Variants in LRRC8C observed in about 807,000 individuals in gnomAD.
LRRC8C encodes leucine rich repeat containing 8 VRAC subunit C, also known as volume-regulated anion channel subunit LRRC8C.
A neutral mutation model predicts 55.3 loss-of-function variants in LRRC8C; 20 were observed. The observed-to-expected ratio is 0.36, with a 90% CI of 0.25 to 0.53. The LOEUF is 0.53. Among genes scored for constraint, LRRC8C ranks in the 20% least tolerant of loss-of-function variants. The pLI, the probability that LRRC8C is intolerant of heterozygous loss-of-function variation, is 0.92. For missense variants in LRRC8C, 659 were observed against 951.4 expected (o/e 0.69, Z 4.04); for synonymous variants, 376 against 360.7 (o/e 1.04, Z -0.48).
At chr1:89,654,443 TC>T (rs1477663987) in intron 1 of LRRC8C, among the ~76,000 whole-genome samples, 2 of 152,110 alleles carry the variant, frequency 1.3e-5, no homozygotes, top group African/African-American at 4.8e-5. Context: ...CTACTAAACT[TC>T]CAGTTGGAAA....
intron 1 of LRRC8C, among the ~76,000 whole-genome samples, chr1:89,679,147 G>A (rs1014789430): frequency 6.6e-6 from 1 of 152,156 alleles, no homozygotes; most frequent in East Asian, 1.9e-4. Context: ...AGAAGAGGAG[G>A]AAACAACAAA....
the LRRC8C span, among the ~76,000 whole-genome samples, chr1:89,620,420 G>A: frequency 1.2e-4 from 19 of 152,146 alleles, no homozygotes; most frequent in African/African-American, 4.6e-4. Flanking sequence ...GGAATTTGGA[G>A]AGAAAGAGAG....
intron 1 of LRRC8C, among the ~76,000 whole-genome samples, chr1:89,636,831 T>A (rs1255640406): frequency 2.0e-5 from 3 of 152,202 alleles, no homozygotes; most frequent in African/African-American, 7.2e-5. Context: ...TATTTTAAAA[T>A]TTTTTTAAAA....
intron 2 of LRRC8C, among the ~76,000 whole-genome samples, chr1:89,710,398 A>G (rs1375713899): frequency 6.6e-6 from 1 of 152,066 alleles, no homozygotes; most frequent in East Asian, 1.9e-4. Flanking sequence ...TAAAAGTGAA[A>G]ACTTTTCTTT....
At chr1:89,668,842 CATG>C (rs764549844) in intron 1 of LRRC8C, among the ~76,000 whole-genome samples, 30 of 152,296 alleles carry the variant, frequency 2.0e-4, no homozygotes, top group Middle Eastern at 3.4e-3. Flanking sequence ...AGTTAGTAAG[CATG>C]ATAACATTAT....
intron 1 of LRRC8C, among the ~76,000 whole-genome samples, chr1:89,658,041 G>A (rs754023453): frequency 1.8e-4 from 28 of 152,122 alleles, no homozygotes; most frequent in Non-Finnish European, 3.4e-4. Context: ...CTTTCAAAAA[G>A]CCCCCTTGTG....
At chr1:89,703,080 A>G (rs1658376542) in intron 2 of LRRC8C, among the ~76,000 whole-genome samples, 1 of 152,220 alleles carries the variant, frequency 6.6e-6, no homozygotes, top group South Asian at 2.1e-4. Flanking sequence ...TTAATTTCCC[A>G]AAATTAAAGA....
intron 2 of LRRC8C, among the ~76,000 whole-genome samples, chr1:89,687,630 C>T (rs960562115): frequency 6.6e-6 from 1 of 152,086 alleles, no homozygotes; most frequent in Non-Finnish European, 1.5e-5. Flanking sequence ...GCCATAAGGA[C>T]AGATGAAAAC....
intron 1 of LRRC8C, among the ~76,000 whole-genome samples, chr1:89,685,405 G>A (rs529976563): frequency 9.2e-4 from 140 of 152,228 alleles, no homozygotes; most frequent in African/African-American, 1.5e-3. Flanking sequence ...GTGAGCCACC[G>A]CGCCCGGCCA....
rs1329215413 is a variant in LRRC8C, at chr1:89,716,834, G to A, written c.*1852G>A. On this transcript the variant is annotated 3_prime_UTR_variant, in exon 3 of 3. Coordinates refer to ENST00000370454, the MANE Select transcript of LRRC8C (RefSeq NM_032270.5). ...CTTTGAGTTGTATACAGAAACAAATGTTGGGAATTGCTCCTCAGAAATGTG... is the reference window on the plus strand; with the variant it reads ...CTTTGAGTTGTATACAGAAACAAATATTGGGAATTGCTCCTCAGAAATGTG... The A allele has an allele frequency of 6.6e-6, 1 of 152,174 alleles. No homozygotes were observed. Among genetic ancestry groups the A allele is most frequent in the Non-Finnish European group, 1.5e-5 (1 of 68,030 alleles). 9.4% of individuals were successfully genotyped at this position (152,174 alleles called of 1,614,324 possible).
chr1:89,639,573 T>G (rs1312570479), intron 1 of LRRC8C, among the ~76,000 whole-genome samples: 1 of 152,178 alleles, frequency 6.6e-6, no homozygotes, highest in African/African-American at 2.4e-5. Flanking sequence ...AACCATATTC[T>G]TTTCCTTTAC....
the LRRC8C span, among the ~76,000 whole-genome samples, chr1:89,620,614 T>G: frequency 6.6e-6 from 1 of 151,320 alleles, no homozygotes; most frequent in African/African-American, 2.4e-5. Flanking sequence ...GATTTCCTAC[T>G]GGGTCTACAG....
the LRRC8C span, among the ~76,000 whole-genome samples, chr1:89,621,412 C>T: frequency 6.6e-5 from 10 of 151,544 alleles, no homozygotes; most frequent in East Asian, 5.8e-4. Context: ...GAGCTTGCAG[C>T]GAGCCGAGAT....
At position 89,715,195 on chromosome 1, in the gene LRRC8C, T is replaced by A. The variant is rs1008651551; in HGVS notation, c.*213T>A. On this transcript the variant is annotated 3_prime_UTR_variant, in exon 3 of 3. Transcript: ENST00000370454. ...TATTTGTCTTGAAACACAATGTATC[T>A]ATTATCTACTGACAGAAAGAGATAG... is the stretch of plus-strand genomic sequence containing the variant. The A allele has an allele frequency of 7.0e-5, 24 of 341,884 alleles. No individual in the cohort carries two copies. The highest frequency in any genetic ancestry group is 3.8e-4 in the African/African-American group (18 of 47,440). 21.2% of individuals were successfully genotyped at this position (341,884 alleles called of 1,614,324 possible). A position where few individuals can be genotyped will look rare whatever the true frequency, so the allele number is the denominator to read the frequency against.
In LRRC8C at chr1:89,717,208, G is replaced by A. The variant is rs779821251; in HGVS notation, c.*2226G>A. On this transcript the variant is annotated 3_prime_UTR_variant, in exon 3 of 3. Transcript: ENST00000370454. ...TGGTTGAGCATGACAAAAATACCTC[G>A]TCGAAAGGCAAGCTTAGGTAACTGC... The A allele has an allele frequency of 5.3e-5, 8 of 152,062 alleles. No individual in the cohort carries two copies. Among genetic ancestry groups the A allele is most frequent in the Non-Finnish European group, 7.4e-5 (5 of 68,018 alleles). The allele number at this position is 152,062 out of a possible 1,614,324, so 9.4% of individuals were successfully genotyped here. A position where few individuals can be genotyped will look rare whatever the true frequency, so the allele number is the denominator to read the frequency against.
chr1:89,674,478 C>T (rs2101247226), intron 1 of LRRC8C, among the ~76,000 whole-genome samples: 1 of 152,306 alleles, frequency 6.6e-6, no homozygotes, highest in African/African-American at 2.4e-5. Flanking sequence ...TAGAGCCAAA[C>T]CCAGCAATTA....
At position 89,713,613 on chromosome 1, in the gene LRRC8C, A is replaced by C. The variant is rs1276965049; in HGVS notation, c.1043A>C (p.Glu348Ala). The C allele has an allele frequency of 6.2e-7, 1 of 1,614,046 alleles. No individual in the cohort carries two copies. The highest frequency in any genetic ancestry group is 8.5e-7 in the Non-Finnish European group (1 of 1,180,024). The change falls in exon 3 of 3, where the codon GAA (glutamate) becomes GCA (alanine). Residue 348 changes from glutamate to alanine, a missense_variant. By Grantham distance (107) the Glu-to-Ala change is moderately radical (BLOSUM62 -1). Coordinates refer to ENST00000370454, the MANE Select transcript of LRRC8C (RefSeq NM_032270.5). This position sits in a 1 kb window ranked among gnomAD's most constrained non-coding sequence, Gnocchi z 5.2. ...LYWLFYRSLR[E>A]YSFEYVRQET... ...TGGCTGTTCTACCGTTCTCTACGGG[A>C]ATATTCCTTTGAGTATGTCCGTCAG...
chr1:89,650,222 A>G (rs116813872), intron 1 of LRRC8C, among the ~76,000 whole-genome samples: 2,949 of 152,296 alleles, frequency 0.019, 109 homozygotes, highest in African/African-American at 0.067. Flanking sequence ...GAATGTTGTC[A>G]TAGGATAATT....
intron 2 of LRRC8C, among the ~76,000 whole-genome samples, chr1:89,695,701 T>C (rs1433661834): frequency 6.6e-6 from 1 of 152,188 alleles, no homozygotes; most frequent in African/African-American, 2.4e-5. Context: ...TCACTGGAAA[T>C]AGAAAACCTG....
Sources: allele counts gnomAD v4.1 joint callset (sites outside exome capture counted in the v4.1 genomes callset), GRCh38; gene constraint gnomAD v4.1.1; non-coding constraint Gnocchi (gnomAD v3.1); transcripts MANE v1.5; gene names NCBI Gene and HGNC (gene_info 2026-07-23, HGNC 2026-07-21).